The following SUCLG2 variants were observed in gnomAD, a reference collection of about 807,000 sequenced individuals.
SUCLG2 encodes succinate-CoA ligase GDP-forming subunit beta.
In SUCLG2, 42 loss-of-function variants were observed where a neutral mutation model predicts 47.9. The observed-to-expected ratio is 0.88, with a 90% CI of 0.69 to 1.14. The LOEUF is 1.14. SUCLG2 is among the 50% of genes most tolerant of loss of function. SUCLG2 has a pLI of 0.00. For synonymous variants in SUCLG2, 195 were observed against 197.3 expected (o/e 0.99, Z 0.10); for missense variants, 571 against 525.9 (o/e 1.09, Z -0.84).
intron 9 of SUCLG2, among the ~76,000 whole-genome samples, chr3:67,474,900 C>T (rs1405310490): frequency 6.6e-6 from 1 of 152,022 alleles, no homozygotes; most frequent in Admixed American, 6.6e-5. Flanking sequence ...CCCTACAACA[C>T]CAACATAAGT....
At chr3:67,586,404 A>T (rs910876613) in intron 2 of SUCLG2, among the ~76,000 whole-genome samples, 2 of 151,918 alleles carry the variant, frequency 1.3e-5, no homozygotes, top group African/African-American at 4.8e-5. Context: ...GATGTGTTTC[A>T]TTTTTTTTAA....
exon 11 of SUCLG2, chr3:67,360,508 G>T: frequency 9.5e-7 from 1 of 1,052,334 alleles, no homozygotes; most frequent in Non-Finnish European, 1.3e-6. Context: ...TATAAGCCAT[G>T]CCCTTCCATT....
At chr3:67,504,494 C>A (rs1413901953) in intron 7 of SUCLG2, among the ~76,000 whole-genome samples, 1 of 152,216 alleles carries the variant, frequency 6.6e-6, no homozygotes, top group Non-Finnish European at 1.5e-5. Context: ...CAAATTGGAT[C>A]TCATTCCTTT....
At chr3:67,386,441 T>C (rs1329824838) in intron 10 of SUCLG2, among the ~76,000 whole-genome samples, 1 of 152,006 alleles carries the variant, frequency 6.6e-6, no homozygotes, top group Non-Finnish European at 1.5e-5. Flanking sequence ...TGAGTCAACA[T>C]CTACTGTATT....
chr3:67,575,566 G>A (rs1290380769), intron 2 of SUCLG2, among the ~76,000 whole-genome samples: 6 of 152,150 alleles, frequency 3.9e-5, no homozygotes, highest in Non-Finnish European at 8.8e-5. Context: ...GGATCTTATG[G>A]GAGGGTGAAA....
At chr3:67,562,338 T>C (rs886081181) in intron 2 of SUCLG2, among the ~76,000 whole-genome samples, 3 of 152,048 alleles carry the variant, frequency 2.0e-5, no homozygotes, top group African/African-American at 4.8e-5. Flanking sequence ...AGTGCAGCAG[T>C]GCCATCTCGG....
chr3:67,637,453 T>C (rs1322085600), intron 1 of SUCLG2, among the ~76,000 whole-genome samples: 1 of 152,150 alleles, frequency 6.6e-6, no homozygotes, highest in Non-Finnish European at 1.5e-5. Context: ...CTCAGGAAAA[T>C]TGTACTTGTG....
At chr3:67,402,056 C>T (rs1702696588) in intron 9 of SUCLG2, among the ~76,000 whole-genome samples, 1 of 152,166 alleles carries the variant, frequency 6.6e-6, no homozygotes, top group East Asian at 1.9e-4. Context: ...TGTGGCCAGG[C>T]CCAAAGCCAG....
At chr3:67,651,804 CA>C (rs1409029034) in intron 1 of SUCLG2, among the ~76,000 whole-genome samples, 1 of 152,208 alleles carries the variant, frequency 6.6e-6, no homozygotes. Context: ...CACACCATAT[CA>C]AATAGGTCTC....
intron 1 of SUCLG2, among the ~76,000 whole-genome samples, chr3:67,639,355 C>T (rs906208718): frequency 4.6e-5 from 7 of 152,136 alleles, no homozygotes; most frequent in East Asian, 3.9e-4. Context: ...AGGTATTACC[C>T]TAGATGAGGC....
Position 67,654,537 on chromosome 3 carries a change from G to C in SUCLG2, c.50C>G (p.Ala17Gly). ...GGCCGCCAGGAAGCGGGGCCGCAGC[G>C]CTAGGGCTCGCAGAAGCTTCCCGGC... is the stretch of plus-strand genomic sequence containing the variant. ...AQAGKLLRAL[A>G]LRPRFLAAGS... Residue 17 changes from alanine to glycine, a missense_variant, in exon 1 of 11, where the codon GCG (alanine) becomes GGG (glycine). Physicochemically the swap from Ala to Gly is moderately conservative, Grantham distance 60 (BLOSUM62 0). Transcript: ENST00000307227. The C allele has an allele frequency of 1.6e-6, 2 of 1,261,736 alleles. No individual in the cohort carries two copies. The highest frequency in any genetic ancestry group is 2.0e-6 in the Non-Finnish European group (2 of 1,001,330). 78.2% of individuals were successfully genotyped at this position (1,261,736 alleles called of 1,614,324 possible).
At chr3:67,498,349 T>C in intron 7 of SUCLG2, 54 bp from the exon 8 acceptor site, 1 of 1,582,012 alleles carries the variant, frequency 6.3e-7, no homozygotes, top group Non-Finnish European at 8.6e-7. Flanking sequence ...ATCTATAAAT[T>C]AAGTTCTTCA....
intron 1 of SUCLG2, among the ~76,000 whole-genome samples, chr3:67,647,555 G>A (rs566651525): frequency 2.0e-4 from 30 of 152,364 alleles, no homozygotes; most frequent in African/African-American, 7.2e-4. Flanking sequence ...CCAGTTGGCC[G>A]TTGGTTCATG....
intron 9 of SUCLG2, among the ~76,000 whole-genome samples, chr3:67,425,528 A>C (rs1703276414): frequency 1.3e-5 from 2 of 152,106 alleles, no homozygotes. Flanking sequence ...ATAAAAAAAA[A>C]GGTGGAAGAA....
intron 10 of SUCLG2, among the ~76,000 whole-genome samples, chr3:67,367,930 TTC>T (rs1410839693): frequency 6.6e-6 from 1 of 152,196 alleles, no homozygotes; most frequent in Non-Finnish European, 1.5e-5. Context: ...GCATTATTAC[TTC>T]TCTTTTGCAG....
intron 2 of SUCLG2, among the ~76,000 whole-genome samples, chr3:67,563,338 T>C (rs1056501542): frequency 6.6e-6 from 1 of 152,160 alleles, no homozygotes; most frequent in African/African-American, 2.4e-5. Flanking sequence ...AGGCCCGTCA[T>C]GTGTAAAATG....
chr3:67,631,706 C>T (rs1488189979), intron 1 of SUCLG2, among the ~76,000 whole-genome samples: 2 of 152,162 alleles, frequency 1.3e-5, no homozygotes, highest in African/African-American at 2.4e-5. Flanking sequence ...TACCTCATAA[C>T]ACCTCTCAAT....
chr3:67,563,648 G>C (rs1219328787), intron 2 of SUCLG2, among the ~76,000 whole-genome samples: 3 of 152,094 alleles, frequency 2.0e-5, no homozygotes, highest in Non-Finnish European at 2.9e-5. Context: ...CTGAACTTTA[G>C]CATATGCTAG....
At chr3:67,634,426 G>T (rs939473131) in intron 1 of SUCLG2, among the ~76,000 whole-genome samples, 1 of 152,144 alleles carries the variant, frequency 6.6e-6, no homozygotes, top group African/African-American at 2.4e-5. Context: ...ATTTTTTTAA[G>T]AGTATATGCT....
Sources: gnomAD v4.1 joint callset for allele counts (sites outside exome capture counted in the v4.1 genomes callset) on GRCh38, gnomAD v4.1.1 for gene constraint, MANE v1.5 for transcripts, NCBI Gene and HGNC (gene_info 2026-07-23, HGNC 2026-07-21) for gene names.